REXO4: variants seen among roughly 807,000 people sequenced by gnomAD.
REXO4 encodes the protein RNA exonuclease 4.
Under a neutral mutation model 39.9 loss-of-function variants are expected in REXO4, and 29 were observed. That is an observed-to-expected ratio of 0.73 (90% CI 0.54 to 0.99). The LOEUF (loss-of-function observed/expected upper bound fraction) is 0.99. Ranked by LOEUF, REXO4 falls within the 50% of genes least tolerant of loss-of-function variation. REXO4 has a pLI of 0.00. For synonymous variants in REXO4, 184 were observed against 206.2 expected (o/e 0.89, Z 0.92); for missense variants, 524 against 546.5 (o/e 0.96, Z 0.41).
intron 7 of REXO4, 74 bp from the exon 8 acceptor site, chr9:133,407,146 C>T: frequency 1.3e-6 from 2 of 1,595,318 alleles, no homozygotes; most frequent in Non-Finnish European, 1.7e-6. Context: ...AATGACTGAG[C>T]CCTCCCACTA....
chr9:133,407,883 T>G lies in REXO4; in HGVS notation c.1075-2A>C. The stretch of plus-strand genomic sequence containing the variant: ...TAGTCTCAGAGACGGCCTTCCACTC[T>G]GCAAAGGGGGAAGAGGCGGGTGGGG... On this transcript the variant is annotated splice_acceptor_variant, in intron 6 of 7. Coordinates refer to ENST00000371942, the MANE Select transcript of REXO4 (RefSeq NM_020385.4). LOFTEE classifies it high-confidence loss of function. 6.2e-7 allele frequency: 1 copy of G among 1,613,140 alleles called. No homozygotes were observed. Among genetic ancestry groups the G allele is most frequent in the South Asian group, 1.1e-5 (1 of 91,014 alleles).
chr9:133,412,658 A>G, intron 3 of REXO4, 120 bp downstream of exon 3: 1 of 1,458,144 alleles, frequency 6.9e-7, no homozygotes, highest in African/African-American at 1.4e-5. Context: ...TCTTAGCAGG[A>G]CCCTGGGAGG....
chr9:133,416,130 C>G (rs587715198), intron 1 of REXO4, among the ~76,000 whole-genome samples: 2 of 152,080 alleles, frequency 1.3e-5, no homozygotes, highest in African/African-American at 4.8e-5. Flanking sequence ...CTGGTGAGGC[C>G]GAAGGAAGCT....
At position 133,407,793 on chromosome 9, in the gene REXO4, C is replaced by T; in HGVS notation, c.1149+14G>A. ...GCCCCAAACCCCATGAACTACCCCA[C>T]AGGACACACTTACTGAACAGTGCTC... On this transcript the variant is annotated intron_variant, in intron 7 of 7. Coordinates refer to ENST00000371942, the MANE Select transcript of REXO4 (RefSeq NM_020385.4). The T allele has an allele frequency of 6.2e-7, 1 of 1,612,290 alleles. No individual in the cohort carries two copies. Among genetic ancestry groups the T allele is most frequent in the Admixed American group, 1.7e-5 (1 of 59,954 alleles).
intron 5 of REXO4, 122 bp downstream of exon 5, chr9:133,410,863 C>T: frequency 1.4e-6 from 1 of 717,256 alleles, no homozygotes; most frequent in East Asian, 2.7e-5. Context: ...ATATTATTAC[C>T]AAAGTATTCC....
intron 2 of REXO4, 41 bp downstream of exon 2, chr9:133,414,624 G>T (rs782352892): frequency 1.3e-6 from 2 of 1,577,846 alleles, no homozygotes; most frequent in Non-Finnish European, 8.7e-7. Context: ...TGGTGAAGTC[G>T]CTGTGCCTCG....
At position 133,406,855 on chromosome 9, in the gene REXO4, G is replaced by C; in HGVS notation, c.*98C>G. Reference sequence around the variant, plus strand: ...GCCCCTCTGCCATGATTCTGAAAAGGTTTCACCAGAGTTGCCACTCTGGGG... The same window carrying C: ...GCCCCTCTGCCATGATTCTGAAAAGCTTTCACCAGAGTTGCCACTCTGGGG... On this transcript the variant is annotated 3_prime_UTR_variant, in exon 8 of 8. Coordinates refer to ENST00000371942, the MANE Select transcript of REXO4 (RefSeq NM_020385.4). 1 of 1,554,218 alleles carries C rather than the reference G, an allele frequency of 6.4e-7. No homozygotes were observed. Among genetic ancestry groups the C allele is most frequent in the Non-Finnish European group, 8.7e-7 (1 of 1,145,022 alleles).
At chr9:133,416,950 G>C (rs1839656594) in intron 1 of REXO4, among the ~76,000 whole-genome samples, 1 of 152,174 alleles carries the variant, frequency 6.6e-6, no homozygotes, top group Non-Finnish European at 1.5e-5. Flanking sequence ...TCTGCTATCT[G>C]CTTTTCACTT....
upstream of REXO4, chr9:133,418,114 G>A: frequency 6.0e-6 from 3 of 498,702 alleles, no homozygotes; most frequent in East Asian, 3.5e-5. Flanking sequence ...CGGTTCACCC[G>A]CACGGGACTT....
chr9:133,412,969 C>G, intron 2 of REXO4, 48 bp from the exon 3 acceptor site: 3 of 1,598,368 alleles, frequency 1.9e-6, no homozygotes, highest in Non-Finnish European at 2.6e-6. Context: ...CCTAGTGCAA[C>G]TGGTGGGGTG....
intron 6 of REXO4, 123 bp downstream of exon 6, chr9:133,408,645 T>C: frequency 1.5e-6 from 1 of 684,274 alleles, no homozygotes. Context: ...TCCTTCTAGT[T>C]TTAAAGGTTA....
chr9:133,408,021 C>T, intron 6 of REXO4, 140 bp from the exon 7 acceptor site: 1 of 621,742 alleles, frequency 1.6e-6, no homozygotes, highest in Non-Finnish European at 2.8e-6. Context: ...GTGCTCATGG[C>T]ACTTAGGGTG....
At chr9:133,415,521 A>G (rs1839534435) in intron 1 of REXO4, 1 of 154,914 alleles carries the variant, frequency 6.5e-6, no homozygotes, top group African/African-American at 2.4e-5. Flanking sequence ...GAGTGGCTGA[A>G]GAACTGCTAG....
chr9:133,409,060 G>A (rs1486691398), intron 5 of REXO4, among the ~76,000 whole-genome samples: 2 of 150,936 alleles, frequency 1.3e-5, no homozygotes, highest in African/African-American at 4.9e-5. Context: ...CCGACCCCAG[G>A]TTTCAAGTGA....
In REXO4 at chr9:133,406,633, T is replaced by C. The variant is rs1838890199; in HGVS notation, c.*320A>G. ...CCGAAGATGGGCAGTGACAGCACCG[T>C]ATGGACTGGCGGCCCACAGGCCCCA... On this transcript the variant is annotated 3_prime_UTR_variant, in exon 8 of 8. Transcript: ENST00000371942. 2.6e-6 allele frequency: 1 copy of C among 389,190 alleles called. No homozygotes were observed. The highest frequency in any genetic ancestry group is 4.9e-6 in the Non-Finnish European group (1 of 204,640). The allele number at this position is 389,190 out of a possible 1,614,324, so 24.1% of individuals were successfully genotyped here.
At chr9:133,409,255 A>G (rs1839090763) in intron 5 of REXO4, among the ~76,000 whole-genome samples, 1 of 152,034 alleles carries the variant, frequency 6.6e-6, no homozygotes, top group Non-Finnish European at 1.5e-5. Flanking sequence ...GTGTGAGCCA[A>G]CGCGGCTGCC....
Position 133,412,383 on chromosome 9 carries a change from A to G in REXO4, c.826T>C (p.Tyr276His), listed in dbSNP as rs1193374469. 1.9e-6 allele frequency: 3 copies of G among 1,613,970 alleles called. No individual in the cohort carries two copies. Among genetic ancestry groups the G allele is most frequent in the African/African-American group, 1.3e-5 (1 of 74,892 alleles). Residue 276 changes from tyrosine to histidine, a missense_variant, in exon 4 of 8, where the codon TAT becomes CAT. Tyr to His is a moderately conservative substitution (Grantham distance 83). Coordinates refer to ENST00000371942, the MANE Select transcript of REXO4 (RefSeq NM_020385.4). ...TCGGTTGGTTTGACGTACTTGTCAT[A>G]AACGCACTTCCCATACTGGTTCACG... ...SIVNQYGKCV[Y>H]DKYVKPTEPV...
At position 133,417,482 on chromosome 9, in the gene REXO4, T is replaced by A. The variant is rs587763019; in HGVS notation, c.225+138A>T. ...GAGACCTCCCTCAACAGGCCACCTT[T>A]CTTGTGAAAAGCTGTTTACAAGATT... On this transcript the variant is annotated intron_variant, in intron 1 of 7. Coordinates refer to ENST00000371942, the MANE Select transcript of REXO4 (RefSeq NM_020385.4). 1,373 of 872,586 alleles carry A rather than the reference T, an allele frequency of 1.6e-3. 6 individuals are homozygous for A. The highest frequency in any genetic ancestry group is 2.4e-3 in the Middle Eastern group (7 of 2,928). 54.1% of individuals were successfully genotyped at this position (872,586 alleles called of 1,614,324 possible).
intron 5 of REXO4, among the ~76,000 whole-genome samples, 180 bp from the exon 6 acceptor site, chr9:133,409,022 G>A (rs932918573): frequency 8.7e-5 from 13 of 148,842 alleles, no homozygotes; most frequent in Admixed American, 1.3e-4. Flanking sequence ...CTGGAATGCA[G>A]TGGCTCAATC....
Sources: gnomAD v4.1 joint callset for allele counts (sites outside exome capture counted in the v4.1 genomes callset) on GRCh38, gnomAD v4.1.1 for gene constraint, MANE v1.5 for transcripts, NCBI Gene and HGNC (gene_info 2026-07-23, HGNC 2026-07-21) for gene names.